Variants in KCNH8 observed in about 807,000 individuals in gnomAD.
KCNH8 encodes potassium voltage-gated channel subfamily H member 8, also known as voltage-gated delayed rectifier potassium channel KCNH8.
A neutral mutation model predicts 103.6 loss-of-function variants in KCNH8; 70 were observed. That is an observed-to-expected ratio of 0.68 (90% confidence interval 0.56 to 0.82). KCNH8 has a LOEUF of 0.82. KCNH8 is among the 40% of genes least tolerant of loss of function. The pLI, the probability that KCNH8 is intolerant of heterozygous loss-of-function variation, is 0.00. For missense variants in KCNH8, 1,217 were observed against 1,329.9 expected, an observed-to-expected ratio of 0.92 and a Z score of 1.32; for synonymous variants, 498 against 489.4, an observed-to-expected ratio of 1.02 and a Z score of -0.23.
chr3:19,179,833 A>C (rs909018999), intron 1 of KCNH8, among the ~76,000 whole-genome samples: 5 of 152,270 alleles, frequency 3.3e-5, no homozygotes, highest in African/African-American at 1.2e-4. Flanking sequence ...GATGGAAATT[A>C]TGTAAATGAC....
intron 7 of KCNH8, among the ~76,000 whole-genome samples, chr3:19,422,430 C>CAGG (rs899723568): frequency 3.3e-5 from 5 of 152,020 alleles, no homozygotes; most frequent in African/African-American, 1.2e-4. Context: ...AACAATACAC[C>CAGG]AGGCACTGTG....
intron 2 of KCNH8, among the ~76,000 whole-genome samples, chr3:19,268,606 G>T (rs142402237): frequency 6.6e-6 from 1 of 152,060 alleles, no homozygotes; most frequent in East Asian, 1.9e-4. Context: ...ATTTAACAAA[G>T]AACATTTTTG....
At chr3:19,490,336 G>A (rs548047317) in intron 11 of KCNH8, among the ~76,000 whole-genome samples, 2 of 152,260 alleles carry the variant, frequency 1.3e-5, no homozygotes, top group East Asian at 1.9e-4. Context: ...TCCAAAAACC[G>A]AGCTCCCCGA....
chr3:19,363,564 A>G (rs1574970030), intron 5 of KCNH8, among the ~76,000 whole-genome samples: 1 of 152,320 alleles, frequency 6.6e-6, no homozygotes, highest in East Asian at 1.9e-4. Context: ...ACTTGCTTCA[A>G]AAAACTTTTC....
chr3:19,174,733 TCTAG>T (rs1435919859), intron 1 of KCNH8, among the ~76,000 whole-genome samples: 2 of 152,198 alleles, frequency 1.3e-5, no homozygotes, highest in Non-Finnish European at 2.9e-5. Context: ...CCTAGTGGTG[TCTAG>T]CATAGGAGAT....
At chr3:19,353,644 C>T (rs978339427) in intron 5 of KCNH8, among the ~76,000 whole-genome samples, 9 of 152,178 alleles carry the variant, frequency 5.9e-5, no homozygotes, top group Middle Eastern at 3.2e-3. Context: ...ACATGATTAT[C>T]TCAATAGATG....
At chr3:19,311,224 G>A (rs2065203662) in intron 3 of KCNH8, among the ~76,000 whole-genome samples, 1 of 151,712 alleles carries the variant, frequency 6.6e-6, no homozygotes, top group African/African-American at 2.4e-5. Flanking sequence ...GTTACCATGA[G>A]TCAGGCACTA....
intron 1 of KCNH8, among the ~76,000 whole-genome samples, chr3:19,168,487 G>A (rs2063307248): frequency 6.6e-6 from 1 of 152,104 alleles, no homozygotes; most frequent in Admixed American, 6.5e-5. Context: ...TTTAATTGCT[G>A]AGTCATATTC....
chr3:19,262,998 C>T (rs1403888195), intron 2 of KCNH8, among the ~76,000 whole-genome samples: 2 of 152,026 alleles, frequency 1.3e-5, no homozygotes, highest in Admixed American at 1.3e-4. Flanking sequence ...AAGTTCTCCT[C>T]AGGCTGTTGA....
chr3:19,211,967 C>G (rs2063775715), intron 1 of KCNH8, among the ~76,000 whole-genome samples: 1 of 152,042 alleles, frequency 6.6e-6, no homozygotes, highest in Non-Finnish European at 1.5e-5. Context: ...ATAGGTAGCT[C>G]CATGTGATAA....
chr3:19,278,633 T>C (rs1271097845), intron 2 of KCNH8, among the ~76,000 whole-genome samples: 1 of 152,150 alleles, frequency 6.6e-6, no homozygotes, highest in Non-Finnish European at 1.5e-5. Flanking sequence ...TCATAAACTT[T>C]TTTGTCATAT....
intron 11 of KCNH8, among the ~76,000 whole-genome samples, chr3:19,496,787 T>A (rs1390924823): frequency 1.3e-5 from 2 of 152,216 alleles, no homozygotes; most frequent in Non-Finnish European, 2.9e-5. Flanking sequence ...TCTTTATACA[T>A]CTGGCAGAAT....
At chr3:19,434,594 C>A (rs1438451292) in intron 7 of KCNH8, among the ~76,000 whole-genome samples, 1 of 152,154 alleles carries the variant, frequency 6.6e-6, no homozygotes, top group Non-Finnish European at 1.5e-5. Flanking sequence ...CCTTTTGCAT[C>A]ACAAAAATCA....
At chr3:19,472,978 C>T (rs891936948) in intron 11 of KCNH8, among the ~76,000 whole-genome samples, 4 of 152,066 alleles carry the variant, frequency 2.6e-5, no homozygotes, top group African/African-American at 4.8e-5. Flanking sequence ...TTTATATTAC[C>T]TTATTTAATT....
chr3:19,339,258 C>A (rs986187009), intron 3 of KCNH8, among the ~76,000 whole-genome samples: 1 of 152,034 alleles, frequency 6.6e-6, no homozygotes, highest in Admixed American at 6.6e-5. Context: ...AGATATCTCA[C>A]TGAGAAGGGA....
At position 19,515,343 on chromosome 3, in the gene KCNH8, T is replaced by C. The variant is rs1381850240; in HGVS notation, c.2457T>C (p.Asp819=). ...LSPRIVDGIE[D]GNSSEESQTF... is the part of the protein sequence containing the mutation. Reference sequence around the variant, plus strand: ...GTAGGATTGTTGATGGAATTGAAGATGGAAACAGCAGTGAAGAAAGTCAGA... The same window carrying C: ...GTAGGATTGTTGATGGAATTGAAGACGGAAACAGCAGTGAAGAAAGTCAGA... Residue 819 remains aspartate, a synonymous_variant, in exon 14 of 16, where the codon GAT becomes GAC. Transcript: ENST00000328405. 2.5e-6 allele frequency: 4 copies of C among 1,594,330 alleles called. No homozygotes were observed. Among genetic ancestry groups the C allele is most frequent in the Middle Eastern group, 1.7e-4 (1 of 6,022 alleles).
intron 10 of KCNH8, among the ~76,000 whole-genome samples, chr3:19,451,747 T>C (rs1269398267): frequency 6.6e-6 from 1 of 152,148 alleles, no homozygotes; most frequent in Non-Finnish European, 1.5e-5. Context: ...TCTGGTGAAA[T>C]AGCTGCTCAG....
intron 11 of KCNH8, among the ~76,000 whole-genome samples, chr3:19,471,601 C>T (rs973525550): frequency 6.6e-5 from 10 of 152,160 alleles, no homozygotes; most frequent in African/African-American, 2.4e-4. Context: ...AACTTATTCT[C>T]ACAACAACTT....
intron 10 of KCNH8, among the ~76,000 whole-genome samples, chr3:19,455,632 G>T (rs908567180): frequency 1.3e-5 from 2 of 152,062 alleles, no homozygotes; most frequent in African/African-American, 4.8e-5. Flanking sequence ...GTATTCACCA[G>T]TACCTGCTTG....
Sources: allele counts gnomAD v4.1 joint callset (sites outside exome capture counted in the v4.1 genomes callset), GRCh38; gene constraint gnomAD v4.1.1; transcripts MANE v1.5; gene names NCBI Gene and HGNC (gene_info 2026-07-23, HGNC 2026-07-21).